Variants in THRB observed in about 807,000 individuals in gnomAD.
The protein encoded by THRB is nuclear receptor subfamily 1 group A member 2.
THRB carries 12 observed loss-of-function variants against 47.8 expected under a neutral mutation model. The ratio of observed to expected loss-of-function variants is 0.25; its 90% CI spans 0.16 to 0.41. The LOEUF (loss-of-function observed/expected upper bound fraction) is 0.41, where lower values mean the gene tolerates loss of function less well. Among genes scored for constraint, THRB ranks in the 10% least tolerant of loss-of-function variants. THRB has a pLI of 1.00. For missense variants in THRB, 348 were observed against 589.2 expected (o/e 0.59, Z 4.24); for synonymous variants, 218 against 212.2 (o/e 1.03, Z -0.24).
At chr3:24,455,214 C>T (rs1230236185) in intron 1 of THRB, 1 of 147,436 alleles carries the variant, frequency 6.8e-6, no homozygotes, top group Non-Finnish European at 1.5e-5. Context: ...AACACTTACA[C>T]CAATCACCTC....
intron 2 of THRB, among the ~76,000 whole-genome samples, chr3:24,308,048 T>C (rs376471007): frequency 6.6e-6 from 1 of 152,088 alleles, no homozygotes; most frequent in Non-Finnish European, 1.5e-5. Context: ...AGGCTGTAAG[T>C]TGTCAGAAAG....
chr3:24,493,415 C>T (rs993946704), intron 1 of THRB, among the ~76,000 whole-genome samples: 1 of 152,170 alleles, frequency 6.6e-6, no homozygotes, highest in African/African-American at 2.4e-5. Context: ...GTCTACATTA[C>T]CTAATACATT....
intron 1 of THRB, among the ~76,000 whole-genome samples, chr3:24,395,451 G>A (rs1032276668): frequency 1.3e-5 from 2 of 152,018 alleles, no homozygotes. Flanking sequence ...TTGGAAAATA[G>A]GCAAAGGATC....
chr3:24,380,009 T>C (rs185204245), intron 1 of THRB, among the ~76,000 whole-genome samples: 1 of 151,590 alleles, frequency 6.6e-6, no homozygotes, highest in East Asian at 1.9e-4. Context: ...TATATGCCCA[T>C]TGCCTTGGCC....
At chr3:24,479,296 C>T (rs182797944) in intron 1 of THRB, among the ~76,000 whole-genome samples, 4 of 152,266 alleles carry the variant, frequency 2.6e-5, no homozygotes, top group African/African-American at 9.6e-5. Context: ...AGCGAGACTC[C>T]GTCTCAAAAA....
In THRB at chr3:24,231,706, C is replaced by T. The variant is rs575742281; in HGVS notation, c.-42-2705G>A. 8.5e-5 allele frequency among the ~76,000 whole-genome samples: 13 copies of T among 152,132 alleles called. No homozygotes were observed. The East Asian group carries it at 9.7e-4, about 11-fold the overall frequency. Reference sequence around the variant, plus strand: ...AATCCCCCAGGGAAGGCAGGTGTCCCGGGGCCTCCTTTCCTGGTCTCCTGT... The same window carrying T: ...AATCCCCCAGGGAAGGCAGGTGTCCTGGGGCCTCCTTTCCTGGTCTCCTGT... On this transcript the variant is annotated intron_variant, in intron 3 of 10. Coordinates refer to ENST00000646209, the MANE Select transcript of THRB (RefSeq NM_001354712.2).
intron 1 of THRB, among the ~76,000 whole-genome samples, chr3:24,476,811 CTTATTG>C (rs138893747): frequency 1.2e-3 from 175 of 152,086 alleles, no homozygotes; most frequent in African/African-American, 4.0e-3. Context: ...AATTAAAATT[CTTATTG>C]TTATTGCCTT....
intron 3 of THRB, among the ~76,000 whole-genome samples, chr3:24,263,917 T>C (rs1559769149): frequency 6.6e-6 from 1 of 152,174 alleles, no homozygotes; most frequent in African/African-American, 2.4e-5. Context: ...ATGTCTCAGT[T>C]CTTAGAGTTT....
intron 9 of THRB, among the ~76,000 whole-genome samples, chr3:24,131,102 C>T (rs888637684): frequency 1.3e-5 from 2 of 152,100 alleles, no homozygotes; most frequent in Non-Finnish European, 2.9e-5. Context: ...ATGACATATC[C>T]ACATTCTTTA....
intron 3 of THRB, among the ~76,000 whole-genome samples, chr3:24,230,816 T>C (rs756733155): frequency 6.6e-6 from 1 of 152,098 alleles, no homozygotes; most frequent in Non-Finnish European, 1.5e-5. Context: ...AGTAAGATGA[T>C]TTTTCAGGGT....
intron 1 of THRB, among the ~76,000 whole-genome samples, chr3:24,484,287 CT>C (rs1349726390): frequency 6.6e-6 from 1 of 152,116 alleles, no homozygotes; most frequent in African/African-American, 2.4e-5. Context: ...ATATAATTTA[CT>C]TTTTCATGGA....
At chr3:24,405,163 C>T (rs897886015) in intron 1 of THRB, among the ~76,000 whole-genome samples, 2 of 151,898 alleles carry the variant, frequency 1.3e-5, no homozygotes, top group African/African-American at 2.4e-5. Context: ...TGTTGAGCAT[C>T]CTGTTTCTCA....
At chr3:24,370,118 T>G (rs1409463137) in intron 1 of THRB, among the ~76,000 whole-genome samples, 1 of 152,170 alleles carries the variant, frequency 6.6e-6, no homozygotes, top group Admixed American at 6.5e-5. Flanking sequence ...ACACATTTTT[T>G]AGGGGGATAT....
intron 1 of THRB, among the ~76,000 whole-genome samples, chr3:24,344,627 T>C (rs969961105): frequency 2.0e-5 from 3 of 152,068 alleles, no homozygotes; most frequent in Admixed American, 2.0e-4. Context: ...TATTTGACCA[T>C]GATCCACAAT....
At chr3:24,369,450 T>C (rs2064743162) in intron 1 of THRB, among the ~76,000 whole-genome samples, 1 of 152,164 alleles carries the variant, frequency 6.6e-6, no homozygotes, top group African/African-American at 2.4e-5. Context: ...TTGCACACAT[T>C]GCCTTCACAA....
At chr3:24,238,278 T>TGGGGGGGGGGGGGGGG (rs67450132) in intron 3 of THRB, among the ~76,000 whole-genome samples, 1 of 29,966 alleles carries the variant, frequency 3.3e-5, no homozygotes, top group Non-Finnish European at 8.0e-5. Context: ...TGTGTGTGTG[T>TGGGGGGGGGGGGGGGG]GGGGGGGGGG....
intron 3 of THRB, among the ~76,000 whole-genome samples, chr3:24,232,772 G>C (rs1319801810): frequency 6.6e-6 from 1 of 152,146 alleles, no homozygotes; most frequent in Non-Finnish European, 1.5e-5. Flanking sequence ...GAGTGGAGGT[G>C]GTGGAGATGG....
chr3:24,223,116 TC>T (rs2047322965), intron 4 of THRB, among the ~76,000 whole-genome samples: 1 of 152,146 alleles, frequency 6.6e-6, no homozygotes, highest in South Asian at 2.1e-4. Context: ...CTGTAATCAG[TC>T]CTAAGGCCTG....
rs1322132895 is a variant in THRB, at chr3:24,120,341, C to G, written c.*2543G>C. On this transcript the variant is annotated 3_prime_UTR_variant, in exon 11 of 11. Coordinates refer to ENST00000646209, the MANE Select transcript of THRB (RefSeq NM_001354712.2). ...TTAAGGTGCCAAGGATCAAACGTTCCTTTACTTGCGGCTGGCTGGATGGCT... is the reference window on the plus strand; with the variant it reads ...TTAAGGTGCCAAGGATCAAACGTTCGTTTACTTGCGGCTGGCTGGATGGCT... The G allele has an allele frequency of 6.6e-6, 1 of 152,212 alleles. No individual in the cohort carries two copies. Among genetic ancestry groups the G allele is most frequent in the Non-Finnish European group, 1.5e-5 (1 of 68,042 alleles). The allele number at this position is 152,212 out of a possible 1,614,324, so 9.4% of individuals were successfully genotyped here. A position where few individuals can be genotyped will look rare whatever the true frequency, so the allele number is the denominator to read the frequency against.
Sources: allele counts gnomAD v4.1 joint callset (sites outside exome capture counted in the v4.1 genomes callset), GRCh38; gene constraint gnomAD v4.1.1; transcripts MANE v1.5; gene names NCBI Gene and HGNC (gene_info 2026-07-23, HGNC 2026-07-21).